BCL2: variants seen among roughly 807,000 people sequenced by gnomAD.
BCL2 encodes apoptosis regulator Bcl-2.
In BCL2, 1 loss-of-function variant was observed where a neutral mutation model predicts 14.2. The observed-to-expected ratio is 0.07, with a 90% CI of 0.02 to 0.33. The LOEUF (loss-of-function observed/expected upper bound fraction) is 0.33, where lower values mean the gene tolerates loss of function less well. Among genes scored for constraint, BCL2 ranks in the 10% least tolerant of loss-of-function variants. The pLI is 0.99. For missense variants in BCL2, 247 were observed against 305.9 expected (o/e 0.81, Z 1.44); for synonymous variants, 151 against 137.2 (o/e 1.10, Z -0.70).
intron 2 of BCL2, among the ~76,000 whole-genome samples, chr18:63,159,138 C>T (rs932629875): frequency 1.6e-4 from 25 of 152,202 alleles, no homozygotes; most frequent in African/African-American, 5.8e-4. Flanking sequence ...TTTGCCCTTC[C>T]ATTCCCTTCC....
Position 63,123,845 on chromosome 18 carries a change from A to T in BCL2, c.*4780T>A, listed in dbSNP as rs1385472481. On this transcript the variant is annotated 3_prime_UTR_variant, in exon 3 of 3. Coordinates refer to ENST00000333681, the MANE Select transcript of BCL2 (RefSeq NM_000633.3). ...GAGCTATCTGGAGGGCCCACGGCAG[A>T]TTTTCCAAAAGGTTTAGGTGCATGG... 1.4e-5 allele frequency: 3 copies of T among 218,436 alleles called. No individual in the cohort carries two copies. The highest frequency in any genetic ancestry group is 2.8e-5 in the Non-Finnish European group (3 of 108,748). 13.5% of individuals were successfully genotyped at this position (218,436 alleles called of 1,614,324 possible).
At chr18:63,302,648 T>G in intron 2 of BCL2, 1 of 985,054 alleles carries the variant, frequency 1.0e-6, no homozygotes, top group Non-Finnish European at 1.2e-6. Flanking sequence ...TCAGAGTGAG[T>G]TAAATATTCA....
chr18:63,159,035 A>T (rs1271283371), intron 2 of BCL2, among the ~76,000 whole-genome samples: 1 of 152,204 alleles, frequency 6.6e-6, no homozygotes, highest in Non-Finnish European at 1.5e-5. Context: ...ACTGAGTGTC[A>T]CCAAAATCAC....
chr18:63,150,387 C>G (rs11876939), intron 2 of BCL2, among the ~76,000 whole-genome samples: 38 of 152,348 alleles, frequency 2.5e-4, no homozygotes, highest in African/African-American at 8.9e-4. Context: ...TACTGTGGGC[C>G]CAGGAGGGCT....
At chr18:63,310,805 T>C (rs1327308792) in intron 2 of BCL2, among the ~76,000 whole-genome samples, 1 of 152,242 alleles carries the variant, frequency 6.6e-6, no homozygotes, top group African/African-American at 2.4e-5. Context: ...TTAGGACTTC[T>C]TCAAATCATT....
intron 2 of BCL2, among the ~76,000 whole-genome samples, chr18:63,135,268 C>G (rs905573041): frequency 2.0e-5 from 3 of 152,182 alleles, no homozygotes; most frequent in African/African-American, 7.2e-5. Flanking sequence ...CAACTTGCTT[C>G]CTCCCATCCC....
rs188173520 is a variant in BCL2, at chr18:63,130,944, C to T, written c.586-2185G>A. 1.9e-4 allele frequency among the ~76,000 whole-genome samples: 29 copies of T among 152,070 alleles called. No homozygotes were observed. The East Asian group carries it at 5.0e-3, about 26-fold the overall frequency. On this transcript the variant is annotated intron_variant, in intron 2 of 2. Coordinates refer to ENST00000333681, the MANE Select transcript of BCL2 (RefSeq NM_000633.3). ...ACAAAAGGCAGGCAAGAATTTAGGG[C>T]GAGGGTCACACTGAGAGTGATCCTG...
intron 2 of BCL2, among the ~76,000 whole-genome samples, chr18:63,304,322 T>C (rs1326122430): frequency 2.0e-5 from 3 of 152,200 alleles, no homozygotes; most frequent in African/African-American, 7.2e-5. Context: ...TTATAAATAT[T>C]TGTTGATTGA....
At chr18:63,232,438 A>C (rs1910714852) in intron 2 of BCL2, among the ~76,000 whole-genome samples, 1 of 152,162 alleles carries the variant, frequency 6.6e-6, no homozygotes, top group African/African-American at 2.4e-5. Flanking sequence ...TCTATAAGGA[A>C]AAAACAACCC....
intron 2 of BCL2, among the ~76,000 whole-genome samples, chr18:63,167,820 G>A (rs958682965): frequency 6.6e-6 from 1 of 152,062 alleles, no homozygotes; most frequent in Non-Finnish European, 1.5e-5. Context: ...CACCTACTCA[G>A]GAGGCTGAGG....
intron 2 of BCL2, among the ~76,000 whole-genome samples, chr18:63,184,439 C>T (rs1041433082): frequency 4.6e-5 from 7 of 152,242 alleles, no homozygotes; most frequent in Non-Finnish European, 8.8e-5. Flanking sequence ...TAATGGGTGT[C>T]AGCCCCTAAG....
chr18:63,218,454 T>C (rs1330428442), intron 2 of BCL2, among the ~76,000 whole-genome samples: 1 of 152,108 alleles, frequency 6.6e-6, no homozygotes, highest in African/African-American at 2.4e-5. Flanking sequence ...CCTTTTTCTT[T>C]CAATTTAATG....
chr18:63,198,247 GAC>G (rs1309119197), intron 2 of BCL2, among the ~76,000 whole-genome samples: 7 of 136,240 alleles, frequency 5.1e-5, no homozygotes, highest in African/African-American at 1.1e-4. Flanking sequence ...CTGACATAGA[GAC>G]ACACACACAG....
intron 2 of BCL2, among the ~76,000 whole-genome samples, chr18:63,182,544 C>T (rs140826087): frequency 6.6e-5 from 10 of 152,236 alleles, no homozygotes; most frequent in East Asian, 1.9e-4. Flanking sequence ...CCCTTGAGAC[C>T]GGGGGATGTC....
intron 2 of BCL2, among the ~76,000 whole-genome samples, chr18:63,137,859 G>A (rs1036172088): frequency 2.6e-5 from 4 of 152,228 alleles, no homozygotes; most frequent in African/African-American, 9.6e-5. Flanking sequence ...TTGGCAAGAG[G>A]GGCAGCATTG....
chr18:63,200,187 A>G (rs76700921), intron 2 of BCL2, among the ~76,000 whole-genome samples: 1 of 152,130 alleles, frequency 6.6e-6, no homozygotes, highest in East Asian at 1.9e-4. Flanking sequence ...GATAGATACC[A>G]CTACCGGTAT....
At chr18:63,263,249 C>T (rs558225719) in intron 2 of BCL2, among the ~76,000 whole-genome samples, 8 of 152,312 alleles carry the variant, frequency 5.3e-5, no homozygotes, top group African/African-American at 1.7e-4. Context: ...TAGCATACCA[C>T]GGGAACTCAG....
At chr18:63,188,177 AC>A (rs1915636353) in intron 2 of BCL2, among the ~76,000 whole-genome samples, 1 of 152,228 alleles carries the variant, frequency 6.6e-6, no homozygotes, top group Non-Finnish European at 1.5e-5. Context: ...TATCTGTCTT[AC>A]CCACAAAGAC....
At chr18:63,251,264 A>G (rs1018681196) in intron 2 of BCL2, among the ~76,000 whole-genome samples, 1 of 152,116 alleles carries the variant, frequency 6.6e-6, no homozygotes, top group African/African-American at 2.4e-5. Context: ...ATGCAGAGAA[A>G]GTCTCTCAGG....
Sources: allele counts gnomAD v4.1 joint callset (sites outside exome capture counted in the v4.1 genomes callset), GRCh38; gene constraint gnomAD v4.1.1; transcripts MANE v1.5; gene names NCBI Gene and HGNC (gene_info 2026-07-23, HGNC 2026-07-21).